Variants in EXOC4 observed in about 807,000 individuals in gnomAD.
EXOC4 encodes the protein SEC8-like 1.
EXOC4 carries 71 observed loss-of-function variants against 107.2 expected under a neutral mutation model. The ratio of observed to expected loss-of-function variants is 0.66; its 90% CI spans 0.55 to 0.81. The LOEUF is 0.81. EXOC4 is among the 30% of genes least tolerant of loss of function. EXOC4 has a pLI of 0.00. For missense variants in EXOC4, 1,108 were observed against 1,189.6 expected, an observed-to-expected ratio of 0.93 and a Z score of 1.01; for synonymous variants, 456 against 441.2, an observed-to-expected ratio of 1.03 and a Z score of -0.42.
intron 11 of EXOC4, among the ~76,000 whole-genome samples, chr7:133,836,856 A>C (rs1047921688): frequency 2.0e-5 from 3 of 152,074 alleles, no homozygotes; most frequent in Non-Finnish European, 4.4e-5. Context: ...GGTTTCATTT[A>C]GATAATTATA....
intron 5 of EXOC4, among the ~76,000 whole-genome samples, chr7:133,353,808 A>G (rs1346453325): frequency 6.6e-6 from 1 of 151,728 alleles, no homozygotes; most frequent in Non-Finnish European, 1.5e-5. Context: ...CTTCTCTTCA[A>G]TCTTTTTTCA....
intron 10 of EXOC4, among the ~76,000 whole-genome samples, chr7:133,663,803 G>C (rs1585063548): frequency 6.6e-6 from 1 of 152,068 alleles, no homozygotes; most frequent in South Asian, 2.1e-4. Flanking sequence ...TTTATCTCTT[G>C]CTCCTCTCCC....
chr7:133,364,634 A>G (rs1796211763), intron 6 of EXOC4, among the ~76,000 whole-genome samples: 1 of 152,056 alleles, frequency 6.6e-6, no homozygotes, highest in Non-Finnish European at 1.5e-5. Flanking sequence ...GGCCCACAGG[A>G]CTCTATGCCT....
intron 3 of EXOC4, among the ~76,000 whole-genome samples, chr7:133,292,375 T>G (rs1360346633): frequency 6.6e-6 from 1 of 152,224 alleles, no homozygotes; most frequent in East Asian, 1.9e-4. Context: ...TTGTGTCCTT[T>G]GATAATGCTT....
intron 11 of EXOC4, among the ~76,000 whole-genome samples, chr7:133,867,402 C>T (rs927845995): frequency 6.6e-6 from 1 of 152,214 alleles, no homozygotes; most frequent in African/African-American, 2.4e-5. Context: ...ATTATGGCAT[C>T]AATCCTTACG....
At chr7:133,751,255 A>G (rs1795788299) in intron 10 of EXOC4, among the ~76,000 whole-genome samples, 1 of 152,150 alleles carries the variant, frequency 6.6e-6, no homozygotes, top group Non-Finnish European at 1.5e-5. Flanking sequence ...ACCATTCCCA[A>G]ATGTTACAAT....
intron 7 of EXOC4, among the ~76,000 whole-genome samples, chr7:133,380,612 T>A (rs1364592154): frequency 2.0e-5 from 3 of 152,128 alleles, no homozygotes; most frequent in African/African-American, 4.8e-5. Flanking sequence ...CTTTATTTTT[T>A]TATTTTTCTA....
chr7:133,313,437 C>T (rs1445298970), intron 4 of EXOC4, among the ~76,000 whole-genome samples: 1 of 152,142 alleles, frequency 6.6e-6, no homozygotes, highest in Admixed American at 6.6e-5. Flanking sequence ...AGCACTTGCT[C>T]TTTGACAAGT....
At chr7:133,595,550 T>C (rs771865951) in intron 9 of EXOC4, among the ~76,000 whole-genome samples, 1 of 152,360 alleles carries the variant, frequency 6.6e-6, no homozygotes, top group East Asian at 1.9e-4. Flanking sequence ...TTTAGTTCTT[T>C]CTATGTGTCA....
intron 4 of EXOC4, 48 bp from the exon 5 acceptor site, chr7:133,317,236 T>A: frequency 7.4e-7 from 1 of 1,348,640 alleles, no homozygotes; most frequent in Non-Finnish European, 1.1e-6. Context: ...GGGAGGACTT[T>A]AGTTGGTTTT....
intron 17 of EXOC4, among the ~76,000 whole-genome samples, chr7:134,047,800 T>G (rs886965966): frequency 6.6e-6 from 1 of 152,356 alleles, no homozygotes; most frequent in Admixed American, 6.5e-5. Context: ...GTACTCCTGA[T>G]TTATACTCTG....
intron 9 of EXOC4, among the ~76,000 whole-genome samples, chr7:133,588,962 A>ATG (rs765807599): frequency 1.3e-3 from 204 of 151,132 alleles, no homozygotes; most frequent in African/African-American, 4.5e-3. Flanking sequence ...GTGTGCACAT[A>ATG]TGTGTGTGTG....
chr7:133,899,696 C>T (rs1039981194), intron 12 of EXOC4, among the ~76,000 whole-genome samples: 5 of 151,180 alleles, frequency 3.3e-5, no homozygotes, highest in Admixed American at 2.0e-4. Context: ...TGGCAGTGTC[C>T]ATCTTAAAAA....
intron 7 of EXOC4, among the ~76,000 whole-genome samples, chr7:133,385,337 T>A (rs977209298): frequency 2.0e-5 from 3 of 152,216 alleles, no homozygotes; most frequent in Non-Finnish European, 4.4e-5. Flanking sequence ...AGTTTGCCTT[T>A]ATAGACCCAC....
intron 10 of EXOC4, among the ~76,000 whole-genome samples, chr7:133,801,398 G>A (rs992592417): frequency 6.6e-6 from 1 of 152,136 alleles, no homozygotes; most frequent in Non-Finnish European, 1.5e-5. Flanking sequence ...GGAAGATTCA[G>A]ATTGACTAAA....
chr7:133,590,082 C>T (rs1801505321), intron 9 of EXOC4, among the ~76,000 whole-genome samples: 1 of 151,942 alleles, frequency 6.6e-6, no homozygotes, highest in Non-Finnish European at 1.5e-5. Context: ...CACACACAAG[C>T]TGAAGACCCC....
At chr7:133,501,826 T>G (rs995381323) in intron 9 of EXOC4, among the ~76,000 whole-genome samples, 1 of 152,134 alleles carries the variant, frequency 6.6e-6, no homozygotes, top group African/African-American at 2.4e-5. Context: ...TTTTTTGGTT[T>G]GACAGTATTA....
chr7:133,419,032 G>A (rs1797543127), intron 7 of EXOC4, among the ~76,000 whole-genome samples: 1 of 152,194 alleles, frequency 6.6e-6, no homozygotes, highest in Non-Finnish European at 1.5e-5. Flanking sequence ...TATTCCTGGT[G>A]TAAGTGAATT....
At chr7:133,924,849 T>C (rs1206334364) in intron 13 of EXOC4, among the ~76,000 whole-genome samples, 1 of 152,244 alleles carries the variant, frequency 6.6e-6, no homozygotes, top group Non-Finnish European at 1.5e-5. Flanking sequence ...ATCCATGTTT[T>C]TGCATGTAGA....
Sources: allele counts gnomAD v4.1 joint callset (sites outside exome capture counted in the v4.1 genomes callset), GRCh38; gene constraint gnomAD v4.1.1; transcripts MANE v1.5; gene names NCBI Gene and HGNC (gene_info 2026-07-23, HGNC 2026-07-21).